The following ASZ1 variants were observed in gnomAD, a reference collection of about 807,000 sequenced individuals.
ASZ1 encodes ankyrin repeat, SAM and basic leucine zipper domain-containing protein 1.
ASZ1 carries 67 observed loss-of-function variants against 61.8 expected under a neutral mutation model. The ratio of observed to expected loss-of-function variants is 1.08; its 90% confidence interval spans 0.89 to 1.33. ASZ1 has a LOEUF of 1.33. ASZ1 is among the 40% of genes most tolerant of loss of function. ASZ1 has a pLI of 0.00. For missense variants in ASZ1, 577 were observed against 554.5 expected (o/e 1.04, Z -0.41); for synonymous variants, 193 against 192.7 (o/e 1.00, Z -0.01).
intron 3 of ASZ1, among the ~76,000 whole-genome samples, chr7:117,421,315 C>G (rs1244991744): frequency 2.6e-5 from 4 of 152,064 alleles, no homozygotes; most frequent in Non-Finnish European, 2.9e-5. Flanking sequence ...TGGGTTCAAG[C>G]AGTCCTCCTG....
At position 117,379,940 on chromosome 7, in the gene ASZ1, G is replaced by T. The variant is rs756127886; in HGVS notation, c.1053C>A (p.Ile351=). 6.4e-6 allele frequency: 10 copies of T among 1,567,962 alleles called. No individual in the cohort carries two copies. Among genetic ancestry groups the T allele is most frequent in the Non-Finnish European group, 7.9e-6 (9 of 1,142,766 alleles). Reference sequence around the variant, plus strand: ...ATAAACAAATAAGTTAATTTTACCTGATTTCCAACTTTGTCTCTTCAGATA... The same window carrying T: ...ATAAACAAATAAGTTAATTTTACCTTATTTCCAACTTTGTCTCTTCAGATA... ...GELSEETKLE[I]SGDEFLNFLL... Residue 351 remains isoleucine, a splice_region_variant and synonymous_variant, in exon 10 of 13, where the codon ATC becomes ATA. Transcript: ENST00000284629.
intron 7 of ASZ1, among the ~76,000 whole-genome samples, chr7:117,382,760 AT>A (rs1280609011): frequency 6.6e-6 from 1 of 152,154 alleles, no homozygotes; most frequent in African/African-American, 2.4e-5. Context: ...TATTGTTGAT[AT>A]CTTACTTAAA....
intron 4 of ASZ1, among the ~76,000 whole-genome samples, chr7:117,401,741 C>A (rs1796685487): frequency 6.6e-6 from 1 of 152,154 alleles, no homozygotes; most frequent in South Asian, 2.1e-4. Flanking sequence ...GGTCTCTAAT[C>A]CCCTGTACAG....
intron 4 of ASZ1, among the ~76,000 whole-genome samples, chr7:117,414,223 A>ATATT (rs1363529948): frequency 3.3e-5 from 5 of 152,238 alleles, no homozygotes; most frequent in African/African-American, 1.2e-4. Flanking sequence ...AGATACCTTA[A>ATATT]TAATATCACA....
chr7:117,381,252 A>G (rs1205347802), intron 8 of ASZ1, among the ~76,000 whole-genome samples, 185 bp from the exon 9 acceptor site: 1 of 152,058 alleles, frequency 6.6e-6, no homozygotes, highest in Non-Finnish European at 1.5e-5. Context: ...CATAATAATT[A>G]TATTCACCTA....
At chr7:117,426,744 C>T in intron 2 of ASZ1, 92 bp downstream of exon 2, 3 of 1,106,266 alleles carry the variant, frequency 2.7e-6, no homozygotes, top group Non-Finnish European at 3.9e-6. Context: ...GTTGCGTTTC[C>T]ATTAGAAAAG....
intron 10 of ASZ1, among the ~76,000 whole-genome samples, chr7:117,375,899 T>A (rs1477245084): frequency 6.6e-6 from 1 of 151,976 alleles, no homozygotes; most frequent in Non-Finnish European, 1.5e-5. Flanking sequence ...TGATCTAGAT[T>A]TCTGCCTCAA....
chr7:117,386,059 A>G (rs142076992), intron 4 of ASZ1, among the ~76,000 whole-genome samples: 1 of 152,206 alleles, frequency 6.6e-6, no homozygotes, highest in Non-Finnish European at 1.5e-5. Context: ...AAATACATGA[A>G]ATAAGCCACG....
chr7:117,403,278 C>T (rs930069717), intron 4 of ASZ1, among the ~76,000 whole-genome samples: 1 of 152,108 alleles, frequency 6.6e-6, no homozygotes, highest in South Asian at 2.1e-4. Flanking sequence ...TTTCCAAGTC[C>T]CGTCAGGTTT....
At chr7:117,381,139 A>G (rs780365468) in intron 8 of ASZ1, 72 bp from the exon 9 acceptor site, 8 of 1,352,636 alleles carry the variant, frequency 5.9e-6, no homozygotes, top group African/African-American at 3.0e-5. Flanking sequence ...GCAAATGTTC[A>G]TAAGTTAGTT....
intron 10 of ASZ1, among the ~76,000 whole-genome samples, chr7:117,376,695 C>T (rs1290346818): frequency 3.9e-5 from 6 of 152,028 alleles, no homozygotes; most frequent in Non-Finnish European, 7.4e-5. Context: ...GTCATATGGT[C>T]GTATCAGTTG....
At chr7:117,392,670 C>G (rs533301878) in intron 4 of ASZ1, among the ~76,000 whole-genome samples, 1 of 152,176 alleles carries the variant, frequency 6.6e-6, no homozygotes, top group Admixed American at 6.6e-5. Context: ...TAATATCATA[C>G]TGTTCATACA....
At chr7:117,418,001 C>A (rs1484157771) in intron 4 of ASZ1, among the ~76,000 whole-genome samples, 1 of 152,040 alleles carries the variant, frequency 6.6e-6, no homozygotes, top group Non-Finnish European at 1.5e-5. Flanking sequence ...TCTGTTTTTC[C>A]CAATACATCT....
Position 117,368,611 on chromosome 7 carries a change from C to T in ASZ1, c.1161+1G>A, listed in dbSNP as rs1471049516. On this transcript the variant is annotated splice_donor_variant, in intron 11 of 12. Transcript: ENST00000284629. LOFTEE classifies it high-confidence loss of function. ...TTCACTTAATAACTTTTGTAGAATA[C>T]CTTTTGAGAATTTACAGGTAACTCA... is the stretch of plus-strand genomic sequence containing the variant. The T allele has an allele frequency of 6.2e-7, 1 of 1,610,422 alleles. No homozygotes were observed. Among genetic ancestry groups the T allele is most frequent in the Non-Finnish European group, 8.5e-7 (1 of 1,178,732 alleles).
chr7:117,411,363 T>C (rs1043265440), intron 4 of ASZ1, among the ~76,000 whole-genome samples: 8 of 151,718 alleles, frequency 5.3e-5, no homozygotes, highest in African/African-American at 1.7e-4. Context: ...ATTACAAATA[T>C]ATAAAAGGCT....
intron 10 of ASZ1, among the ~76,000 whole-genome samples, chr7:117,369,415 G>A (rs1796006512): frequency 6.6e-6 from 1 of 152,196 alleles, no homozygotes. Context: ...CCTTTCTGAT[G>A]ATGTAGAGTT....
chr7:117,404,520 G>T (rs1417486929), intron 4 of ASZ1, among the ~76,000 whole-genome samples: 2 of 151,628 alleles, frequency 1.3e-5, no homozygotes, highest in Admixed American at 1.3e-4. Context: ...GGCTGCCCAG[G>T]ATACTGGCTT....
intron 12 of ASZ1, 117 bp from the exon 13 acceptor site, chr7:117,363,865 T>C: frequency 1.2e-6 from 1 of 835,192 alleles, no homozygotes; most frequent in Non-Finnish European, 1.6e-6. Flanking sequence ...GATTTAGATG[T>C]AGGCAACTCA....
At position 117,401,174 on chromosome 7, in the gene ASZ1, G is replaced by T. The variant is rs575883355; in HGVS notation, c.441-15365C>A. Among the ~76,000 whole-genome samples, 16 of 152,226 alleles carry T rather than the reference G, an allele frequency of 1.1e-4. No individual in the cohort carries two copies. In the South Asian group the frequency reaches 3.3e-3, roughly 32 times the overall value. ...TGTGAATATGGAGAAGATAAAGGAAGAAAAGAGTGTTAAGAAACAAATGGG... is the reference window on the plus strand; with the variant it reads ...TGTGAATATGGAGAAGATAAAGGAATAAAAGAGTGTTAAGAAACAAATGGG... On this transcript the variant is annotated intron_variant, in intron 4 of 12. Transcript: ENST00000284629.
Sources: gnomAD v4.1 joint callset for allele counts (sites outside exome capture counted in the v4.1 genomes callset) on GRCh38, gnomAD v4.1.1 for gene constraint, MANE v1.5 for transcripts, NCBI Gene and HGNC (gene_info 2026-07-23, HGNC 2026-07-21) for gene names.